The following GANC variants were observed in gnomAD, a reference collection of about 807,000 sequenced individuals.
GANC encodes neutral alpha-glucosidase C.
In GANC, 117 loss-of-function variants were observed where a neutral mutation model predicts 124.2. The ratio of observed to expected loss-of-function variants is 0.94; its 90% CI spans 0.81 to 1.10. The LOEUF is 1.10. Among genes scored for constraint, GANC ranks in the 50% least tolerant of loss-of-function variants. The probability of loss-of-function intolerance (pLI) is 0.00; values close to 1 mark genes in which losing one functional copy is unlikely to be tolerated. For missense variants in GANC, 1,140 were observed against 1,095.0 expected, an observed-to-expected ratio of 1.04 and a Z score of -0.58; for synonymous variants, 377 against 376.8, an observed-to-expected ratio of 1.00 and a Z score of -0.01.
At chr15:42,292,668 G>A in intron 4 of GANC, 67 bp from the exon 5 acceptor site, 1 of 1,441,726 alleles carries the variant, frequency 6.9e-7, no homozygotes, top group Non-Finnish European at 9.5e-7. Flanking sequence ...TTACTTGGAA[G>A]TACAAATCAC....
intron 10 of GANC, among the ~76,000 whole-genome samples, chr15:42,315,515 A>C (rs141360969): frequency 2.0e-5 from 3 of 152,254 alleles, no homozygotes; most frequent in African/African-American, 7.2e-5. Context: ...GAGGATGCAG[A>C]GAAATTGGAA....
Position 42,349,530 on chromosome 15 carries a change from A to G in GANC, c.2531+35A>G, listed in dbSNP as rs372849733. 2.7e-5 allele frequency: 32 copies of G among 1,205,774 alleles called. No homozygotes were observed. The African/African-American group carries it at 4.9e-4, about 18-fold the overall frequency. The allele number at this position is 1,205,774 out of a possible 1,614,324, so 74.7% of individuals were successfully genotyped here. ...GCTAAAGAAACTGTTTGTTTTCTTAAGTAAATCACACTATCCGTTCAGCAT... is the reference window on the plus strand; with the variant it reads ...GCTAAAGAAACTGTTTGTTTTCTTAGGTAAATCACACTATCCGTTCAGCAT... On this transcript the variant is annotated intron_variant, in intron 22 of 23. Coordinates refer to ENST00000318010, the MANE Select transcript of GANC (RefSeq NM_198141.3).
chr15:42,315,954 TTAAA>T (rs1440388366), intron 10 of GANC, among the ~76,000 whole-genome samples: 1 of 152,086 alleles, frequency 6.6e-6, no homozygotes, highest in African/African-American at 2.4e-5. Flanking sequence ...GCCAGTTACT[TTAAA>T]TAAATAAGTA....
chr15:42,298,014 G>A (rs1199442711), intron 6 of GANC, among the ~76,000 whole-genome samples: 1 of 152,174 alleles, frequency 6.6e-6, no homozygotes, highest in Non-Finnish European at 1.5e-5. Flanking sequence ...TTACAAGCAT[G>A]AGGAGTGTTA....
rs1595770506 is a variant in GANC at position 42,303,602 on chromosome 15, A to G, written c.559-2944A>G. ...CAAGACCCACCAGTGTGCTGTGTTCAGGAGACCCATCTCACGTGCAGAGAC... is the reference window on the plus strand; with the variant it reads ...CAAGACCCACCAGTGTGCTGTGTTCGGGAGACCCATCTCACGTGCAGAGAC... On this transcript the variant is annotated intron_variant, in intron 6 of 23. Coordinates refer to ENST00000318010, the MANE Select transcript of GANC (RefSeq NM_198141.3). Among the ~76,000 whole-genome samples, 2 of 151,418 alleles carry G rather than the reference A, an allele frequency of 1.3e-5. 1 individual carries two copies. Among genetic ancestry groups the G allele is most frequent in the East Asian group, 3.9e-4 (2 of 5,102 alleles).
chr15:42,274,547 G>T (rs886673092), intron 1 of GANC, 37 bp downstream of exon 1: 28 of 1,584,946 alleles, frequency 1.8e-5, no homozygotes, highest in Non-Finnish European at 2.3e-5. Flanking sequence ...GTGACCCCAG[G>T]GTCCCTAGAA....
chr15:42,332,107 T>A (rs1311361896), intron 15 of GANC, among the ~76,000 whole-genome samples: 2 of 152,168 alleles, frequency 1.3e-5, no homozygotes, highest in Admixed American at 1.3e-4. Flanking sequence ...CAAGGCTAAC[T>A]ATAGTCACCT....
At chr15:42,283,366 TCA>T (rs2051752922) in intron 3 of GANC, among the ~76,000 whole-genome samples, 1 of 152,204 alleles carries the variant, frequency 6.6e-6, no homozygotes, top group Non-Finnish European at 1.5e-5. Flanking sequence ...TTTGTAGAAC[TCA>T]GTTGTTGTTG....
chr15:42,324,335 A>G (rs2052182959), intron 11 of GANC, among the ~76,000 whole-genome samples: 1 of 152,200 alleles, frequency 6.6e-6, no homozygotes, highest in South Asian at 2.1e-4. Flanking sequence ...CGTTGGTAGG[A>G]ATGCAAAATG....
At chr15:42,335,989 C>G (rs893722051) in intron 15 of GANC, among the ~76,000 whole-genome samples, 5 of 152,082 alleles carry the variant, frequency 3.3e-5, no homozygotes, top group Non-Finnish European at 1.5e-5. Context: ...AATAGAAAAA[C>G]ATTCCATGCT....
At chr15:42,314,069 C>T (rs2052081121) in intron 10 of GANC, 1 of 711,984 alleles carries the variant, frequency 1.4e-6, no homozygotes, top group East Asian at 2.6e-5. Context: ...GACAGCCTAC[C>T]TCTTTTACAG....
Position 42,308,375 on chromosome 15 carries a change from G to A in GANC, c.722+57G>A, listed in dbSNP as rs1020775048. 2.6e-6 allele frequency: 3 copies of A among 1,166,346 alleles called. No individual in the cohort carries two copies. In the African/African-American group the frequency reaches 4.5e-5, roughly 18 times the overall value. The allele number at this position is 1,166,346 out of a possible 1,614,324, so 72.2% of individuals were successfully genotyped here. On this transcript the variant is annotated intron_variant, in intron 8 of 23. Transcript: ENST00000318010. ...TCTGGTTTTTGTATTGAGATGATCT[G>A]AAAACATTTGTGAGCTGTCTGAGCC...
intron 19 of GANC, among the ~76,000 whole-genome samples, chr15:42,345,500 T>C (rs1488017860): frequency 6.6e-6 from 1 of 152,262 alleles, no homozygotes; most frequent in Non-Finnish European, 1.5e-5. Context: ...GCTGGGCACA[T>C]GGTAGATTGT....
At chr15:42,302,068 C>G (rs1595769820) in intron 6 of GANC, among the ~76,000 whole-genome samples, 2 of 152,202 alleles carry the variant, frequency 1.3e-5, no homozygotes, top group Admixed American at 1.3e-4. Context: ...GAGACACCTC[C>G]CAGCAGGGGT....
chr15:42,344,102 G>A (rs74009071), intron 19 of GANC, among the ~76,000 whole-genome samples: 188 of 152,292 alleles, frequency 1.2e-3, no homozygotes, highest in African/African-American at 4.4e-3. Context: ...CACATCCAGC[G>A]CCGTGCTCTC....
chr15:42,278,438 A>G (rs2051697639), intron 2 of GANC, 44 bp from the exon 3 acceptor site: 3 of 1,293,232 alleles, frequency 2.3e-6, no homozygotes, highest in African/African-American at 1.4e-5. Flanking sequence ...GGATACTGAC[A>G]ATCACAAATA....
intron 11 of GANC, among the ~76,000 whole-genome samples, chr15:42,325,766 TC>T (rs1358082541): frequency 6.6e-6 from 1 of 152,196 alleles, no homozygotes; most frequent in Non-Finnish European, 1.5e-5. Context: ...TTTGTTTTTT[TC>T]TTTTTTAGAG....
intron 5 of GANC, among the ~76,000 whole-genome samples, chr15:42,295,899 T>C (rs1160831087): frequency 6.6e-6 from 1 of 152,148 alleles, no homozygotes; most frequent in Non-Finnish European, 1.5e-5. Context: ...ACTAGCACTT[T>C]GGGAGGCTGA....
chr15:42,320,831 T>C (rs2052150203), intron 10 of GANC, among the ~76,000 whole-genome samples: 1 of 152,150 alleles, frequency 6.6e-6, no homozygotes, highest in Non-Finnish European at 1.5e-5. Context: ...CTACTGGTGT[T>C]TGGGAGCAGG....
Sources: allele counts gnomAD v4.1 joint callset (sites outside exome capture counted in the v4.1 genomes callset), GRCh38; gene constraint gnomAD v4.1.1; transcripts MANE v1.5; gene names NCBI Gene and HGNC (gene_info 2026-07-23, HGNC 2026-07-21).